Variants in PTPRN2 observed in about 807,000 individuals in gnomAD.
PTPRN2 encodes the protein protein tyrosine phosphatase receptor type N2.
PTPRN2 carries 74 observed loss-of-function variants against 118.8 expected under a neutral mutation model. The ratio of observed to expected loss-of-function variants is 0.62; its 90% confidence interval spans 0.52 to 0.76. The LOEUF is 0.76. Among genes scored for constraint, PTPRN2 ranks in the 30% least tolerant of loss-of-function variants. PTPRN2 has a pLI of 0.00. For synonymous variants in PTPRN2, 641 were observed against 608.0 expected (o/e 1.05, Z -0.80); for missense variants, 1,481 against 1,394.4 (o/e 1.06, Z -0.99).
intron 12 of PTPRN2, among the ~76,000 whole-genome samples, chr7:157,760,584 G>T (rs1481665580): frequency 6.6e-6 from 1 of 151,790 alleles, no homozygotes; most frequent in African/African-American, 2.4e-5. Context: ...TGTGCTCCCC[G>T]AGTCTTCTCC....
chr7:158,323,107 T>G (rs1803175838), intron 2 of PTPRN2, among the ~76,000 whole-genome samples: 1 of 152,172 alleles, frequency 6.6e-6, no homozygotes, highest in Non-Finnish European at 1.5e-5. Flanking sequence ...AGAATGAGTC[T>G]TTTTCCAAAA....
intron 12 of PTPRN2, among the ~76,000 whole-genome samples, chr7:157,800,187 T>G (rs926325986): frequency 6.6e-6 from 1 of 151,936 alleles, no homozygotes; most frequent in Non-Finnish European, 1.5e-5. Flanking sequence ...CCCTCCTCCA[T>G]CCCTCAGAGG....
intron 1 of PTPRN2, chr7:158,541,491 G>T: frequency 7.4e-7 from 1 of 1,352,096 alleles, no homozygotes; most frequent in African/African-American, 1.5e-5. Context: ...CCTCGTCTGT[G>T]GACCTGAAAC....
intron 1 of PTPRN2, among the ~76,000 whole-genome samples, chr7:158,560,772 G>A (rs1827330302): frequency 6.6e-6 from 1 of 152,218 alleles, no homozygotes; most frequent in African/African-American, 2.4e-5. Context: ...AAGATATTTG[G>A]TTTGCCAAAA....
intron 3 of PTPRN2, among the ~76,000 whole-genome samples, chr7:158,258,194 G>A (rs371570114): frequency 3.3e-5 from 5 of 152,140 alleles, no homozygotes; most frequent in Non-Finnish European, 7.3e-5. Context: ...GAGCATTCCC[G>A]ACGTCCACAC....
At chr7:158,547,460 T>C (rs1826358091) in intron 1 of PTPRN2, among the ~76,000 whole-genome samples, 1 of 152,142 alleles carries the variant, frequency 6.6e-6, no homozygotes, top group South Asian at 2.1e-4. Flanking sequence ...GGGGCTGCTA[T>C]AAGTAGGATC....
At chr7:157,755,872 G>A (rs527523866) in intron 12 of PTPRN2, among the ~76,000 whole-genome samples, 12 of 152,238 alleles carry the variant, frequency 7.9e-5, no homozygotes, top group East Asian at 7.7e-4. Context: ...ACGTACCCCC[G>A]ATTCTAAAAT....
chr7:157,886,606 ATGT>A (rs1160510289), intron 12 of PTPRN2, among the ~76,000 whole-genome samples: 2 of 152,256 alleles, frequency 1.3e-5, no homozygotes, highest in East Asian at 1.9e-4. Flanking sequence ...GGAGGAAAAG[ATGT>A]TGTTTCATGA....
intron 11 of PTPRN2, among the ~76,000 whole-genome samples, chr7:157,909,358 C>T (rs760596993): frequency 6.6e-6 from 1 of 152,244 alleles, no homozygotes; most frequent in Non-Finnish European, 1.5e-5. Context: ...GGCCCCTCGA[C>T]AGCTGGACAG....
chr7:158,004,968 G>A (rs569027256), intron 11 of PTPRN2, among the ~76,000 whole-genome samples: 12 of 152,110 alleles, frequency 7.9e-5, no homozygotes, highest in Non-Finnish European at 1.3e-4. Flanking sequence ...AGATGGAAGC[G>A]GGAGAAACAC....
intron 3 of PTPRN2, among the ~76,000 whole-genome samples, chr7:158,221,031 G>A (rs1828325780): frequency 6.6e-6 from 1 of 152,056 alleles, no homozygotes; most frequent in African/African-American, 2.4e-5. Context: ...ATAGACCAAT[G>A]GAACAGGTTA....
chr7:158,421,166 C>G (rs2335168), intron 2 of PTPRN2, among the ~76,000 whole-genome samples: 148,047 of 152,272 alleles, frequency 0.97, 72,003 homozygotes, highest in African/African-American at 0.99. Flanking sequence ...CCCCTTGTTG[C>G]TCCCATTCTG....
At chr7:157,652,771 G>A (rs1160048131) in intron 14 of PTPRN2, among the ~76,000 whole-genome samples, 1 of 152,214 alleles carries the variant, frequency 6.6e-6, no homozygotes, top group Non-Finnish European at 1.5e-5. Flanking sequence ...GCCGCCTCCT[G>A]TCTCCCAGGG....
Position 157,874,335 on chromosome 7 carries a change from C to A in PTPRN2, c.1788+24338G>T, listed in dbSNP as rs1160934997. On this transcript the variant is annotated intron_variant, in intron 12 of 22. Coordinates refer to ENST00000389418, the MANE Select transcript of PTPRN2 (RefSeq NM_002847.5). The surrounding 1 kb of genome is among the most constrained non-coding windows in gnomAD (Gnocchi z 5.8). ...CCACTTGGCCTCGCCCACCTCTCAG[C>A]CCATTTTCAACGTGACACACGCAGG... Among the ~76,000 whole-genome samples the A allele has an allele frequency of 1.3e-5, 2 of 152,184 alleles. No individual in the cohort carries two copies. Among genetic ancestry groups the A allele is most frequent in the Non-Finnish European group, 2.9e-5 (2 of 68,030 alleles).
At chr7:157,772,731 CCT>C (rs1009873634) in intron 12 of PTPRN2, among the ~76,000 whole-genome samples, 1 of 152,238 alleles carries the variant, frequency 6.6e-6, no homozygotes, top group African/African-American at 2.4e-5. Context: ...TGGGGGGACC[CCT>C]GTGGGGGGTG....
intron 3 of PTPRN2, among the ~76,000 whole-genome samples, chr7:158,249,266 A>G (rs1160459930): frequency 6.6e-6 from 1 of 151,720 alleles, no homozygotes; most frequent in Non-Finnish European, 1.5e-5. Flanking sequence ...CACACGCATC[A>G]CACACATGCA....
chr7:158,581,525 T>G (rs1254156924), intron 1 of PTPRN2, among the ~76,000 whole-genome samples: 1 of 152,172 alleles, frequency 6.6e-6, no homozygotes, highest in Non-Finnish European at 1.5e-5. Context: ...CCATTTTACT[T>G]TATGATAATT....
intron 6 of PTPRN2, among the ~76,000 whole-genome samples, chr7:158,145,094 G>A (rs1819788932): frequency 6.7e-6 from 1 of 149,440 alleles, no homozygotes; most frequent in Non-Finnish European, 1.5e-5. Context: ...GAATACCACG[G>A]CTCGGCAAGG....
In PTPRN2 at chr7:158,526,237, T is replaced by C. The variant is rs1317416873; in HGVS notation, c.113-36452A>G. Among the ~76,000 whole-genome samples, 1 of 151,918 alleles carries C rather than the reference T, an allele frequency of 6.6e-6. No individual in the cohort carries two copies. Among genetic ancestry groups the C allele is most frequent in the Non-Finnish European group, 1.5e-5 (1 of 67,986 alleles). On this transcript the variant is annotated intron_variant, in intron 1 of 22. Transcript: ENST00000389418. The surrounding 1 kb of genome is among the most constrained non-coding windows in gnomAD (Gnocchi z 5.2). ...AGGATTCACTTGTGTGGCGAAGGGG[T>C]CACCCCTCGTGCAGGCTCAGGCCCT...
Sources: gnomAD v4.1 joint callset for allele counts (sites outside exome capture counted in the v4.1 genomes callset) on GRCh38, gnomAD v4.1.1 for gene constraint, Gnocchi (gnomAD v3.1) non-coding constraint, MANE v1.5 for transcripts, NCBI Gene and HGNC (gene_info 2026-07-23, HGNC 2026-07-21) for gene names.